SNTG2: variants seen among roughly 807,000 people sequenced by gnomAD.
SNTG2 encodes gamma-2-syntrophin.
SNTG2 carries 74 observed loss-of-function variants against 70.9 expected under a neutral mutation model. The observed-to-expected ratio is 1.04, with a 90% CI of 0.86 to 1.27. SNTG2 has a LOEUF of 1.27. SNTG2 is among the 50% of genes most tolerant of loss of function. The pLI, the probability that SNTG2 is intolerant of heterozygous loss-of-function variation, is 0.00. For synonymous variants in SNTG2, 278 were observed against 273.8 expected, an observed-to-expected ratio of 1.02 and a Z score of -0.15; for missense variants, 717 against 690.7, an observed-to-expected ratio of 1.04 and a Z score of -0.43.
At position 1,284,349 on chromosome 2, in the gene SNTG2, C is replaced by T. The variant is rs567967245; in HGVS notation, c.1284+16778C>T. 2.0e-5 allele frequency among the ~76,000 whole-genome samples: 3 copies of T among 152,264 alleles called. No individual in the cohort carries two copies. In the South Asian group the frequency reaches 6.2e-4, roughly 32 times the overall value. The stretch of plus-strand genomic sequence containing the variant: ...TTAGCTGTTCAGATTCTGGCGGGTG[C>T]TGATAGGAAGGCGGCAGCCAGTTGA... On this transcript the variant is annotated intron_variant, in intron 14 of 16. Coordinates refer to ENST00000308624, the MANE Select transcript of SNTG2 (RefSeq NM_018968.4).
At chr2:963,434 A>G (rs1660420614) in intron 1 of SNTG2, among the ~76,000 whole-genome samples, 1 of 152,170 alleles carries the variant, frequency 6.6e-6, no homozygotes. Context: ...GAAAAGTATT[A>G]GGAAGGCGAG....
At chr2:1,140,360 A>T (rs1668664205) in intron 6 of SNTG2, among the ~76,000 whole-genome samples, 6 of 152,232 alleles carry the variant, frequency 3.9e-5, no homozygotes, top group Admixed American at 3.9e-4. Context: ...ACAGCCGAGT[A>T]AACTGTCCGT....
At position 1,115,980 on chromosome 2, in the gene SNTG2, A is replaced by T. The variant is rs563911938; in HGVS notation, c.325+17570A>T. Among the ~76,000 whole-genome samples the T allele has an allele frequency of 2.6e-5, 4 of 152,360 alleles. No homozygotes were observed. The East Asian group carries it at 7.7e-4, about 29-fold the overall frequency. The stretch of plus-strand genomic sequence containing the variant: ...AGGACCTTGGCGGAGGTGGGGGCCA[A>T]CGGGTTCCTCTTCTAACAGACTGTG... On this transcript the variant is annotated intron_variant, in intron 4 of 16. Transcript: ENST00000308624.
rs943643526 is a variant in SNTG2, at chr2:1,023,373, G to C, written c.73-60145G>C. On this transcript the variant is annotated intron_variant, in intron 1 of 16. Transcript: ENST00000308624. The stretch of plus-strand genomic sequence containing the variant: ...AGGTGAGTGGCCATGACATTGGGCT[G>C]AATTGATGCTGTGTTGGAGGCTGGA... Among the ~76,000 whole-genome samples, 84 of 152,004 alleles carry C rather than the reference G, an allele frequency of 5.5e-4. 1 individual carries two copies. The highest frequency in any genetic ancestry group is 5.4e-3 in the Admixed American group (83 of 15,244).
intron 4 of SNTG2, among the ~76,000 whole-genome samples, chr2:1,104,515 T>C (rs1431134211): frequency 6.6e-6 from 1 of 152,254 alleles, no homozygotes; most frequent in Non-Finnish European, 1.5e-5. Flanking sequence ...GTTAAGTCAA[T>C]AGACTTCTAA....
intron 6 of SNTG2, among the ~76,000 whole-genome samples, chr2:1,145,737 G>T (rs1669060741): frequency 6.6e-6 from 1 of 152,090 alleles, no homozygotes; most frequent in Admixed American, 6.5e-5. Context: ...AAAACCAGAT[G>T]AAGACATTAT....
chr2:1,147,016 A>G (rs752073806), intron 6 of SNTG2, among the ~76,000 whole-genome samples: 4 of 152,228 alleles, frequency 2.6e-5, no homozygotes, highest in Admixed American at 6.5e-5. Flanking sequence ...ATCATGTGAC[A>G]TAAGATTTAT....
intron 1 of SNTG2, among the ~76,000 whole-genome samples, chr2:1,080,569 T>C (rs1341043690): frequency 6.6e-6 from 1 of 151,460 alleles, no homozygotes; most frequent in African/African-American, 2.4e-5. Flanking sequence ...TGTGTGTGCA[T>C]GAGTGTTTGG....
chr2:1,072,153 C>T (rs971712977), intron 1 of SNTG2, among the ~76,000 whole-genome samples: 5 of 152,118 alleles, frequency 3.3e-5, no homozygotes, highest in African/African-American at 4.8e-5. Flanking sequence ...AGATTTTCCA[C>T]GTAGATGAAA....
At chr2:1,287,499 C>G (rs939062075) in intron 14 of SNTG2, among the ~76,000 whole-genome samples, 1 of 152,160 alleles carries the variant, frequency 6.6e-6, no homozygotes, top group Non-Finnish European at 1.5e-5. Flanking sequence ...CCCCTTTATT[C>G]GAGAAATGAG....
At chr2:1,337,279 A>G (rs1452916310) in intron 16 of SNTG2, among the ~76,000 whole-genome samples, 3 of 152,158 alleles carry the variant, frequency 2.0e-5, no homozygotes, top group African/African-American at 7.2e-5. Flanking sequence ...TCTTTGCTGT[A>G]GCAGCTGCAC....
At chr2:1,222,129 C>CTGTTTCTCTCTGTCTCTG (rs1209807504) in intron 9 of SNTG2, among the ~76,000 whole-genome samples, 1 of 97,850 alleles carries the variant, frequency 1.0e-5, no homozygotes, top group Non-Finnish European at 2.2e-5. Context: ...CTCTCTGTCT[C>CTGTTTCTCTCTGTCTCTG]TCTCTGTCTC....
intron 1 of SNTG2, among the ~76,000 whole-genome samples, chr2:987,605 G>A (rs909210538): frequency 1.3e-5 from 2 of 152,094 alleles, no homozygotes; most frequent in Admixed American, 6.5e-5. Context: ...TCTGAAAGCC[G>A]AGCAGCCCTT....
intron 6 of SNTG2, among the ~76,000 whole-genome samples, chr2:1,150,860 G>A (rs1319601421): frequency 2.0e-5 from 3 of 151,972 alleles, no homozygotes; most frequent in Non-Finnish European, 4.4e-5. Context: ...GCTCTGTCCC[G>A]GGGACTTGCC....
intron 1 of SNTG2, among the ~76,000 whole-genome samples, chr2:1,073,550 C>CA (rs941283491): frequency 1.3e-5 from 2 of 152,042 alleles, no homozygotes; most frequent in Admixed American, 6.5e-5. Context: ...ACTGGGAAAC[C>CA]AAAAAACTGT....
chr2:1,367,565 G>A lies in SNTG2; in HGVS notation c.*91G>A. ...ATATTGCAACTTTGTGTTGTTTTAT[G>A]ATGAGCCTATAGTTGTGATACCAAT... On this transcript the variant is annotated 3_prime_UTR_variant, in exon 17 of 17. Transcript: ENST00000308624. The A allele has an allele frequency of 6.9e-7, 1 of 1,452,116 alleles. No individual in the cohort carries two copies. The highest frequency in any genetic ancestry group is 1.3e-5 in the South Asian group (1 of 74,258). 90.0% of individuals were successfully genotyped at this position (1,452,116 alleles called of 1,614,324 possible).
At chr2:1,196,567 G>A (rs769795940) in intron 8 of SNTG2, among the ~76,000 whole-genome samples, 15 of 152,032 alleles carry the variant, frequency 9.9e-5, no homozygotes, top group African/African-American at 3.6e-4. Flanking sequence ...CTTCTTCATC[G>A]TATAGTATGG....
intron 8 of SNTG2, among the ~76,000 whole-genome samples, chr2:1,195,738 T>G: frequency 6.6e-6 from 1 of 152,232 alleles, no homozygotes; most frequent in East Asian, 1.9e-4. Flanking sequence ...CAGATCCCAT[T>G]TGTCTATTTT....
At chr2:1,071,923 A>T (rs1475225888) in intron 1 of SNTG2, among the ~76,000 whole-genome samples, 1 of 152,250 alleles carries the variant, frequency 6.6e-6, no homozygotes, top group Admixed American at 6.5e-5. Flanking sequence ...ATCCATAGCA[A>T]GGCCCTAACT....
Sources: allele counts gnomAD v4.1 joint callset (sites outside exome capture counted in the v4.1 genomes callset), GRCh38; gene constraint gnomAD v4.1.1; transcripts MANE v1.5; gene names NCBI Gene and HGNC (gene_info 2026-07-23, HGNC 2026-07-21).